The following USF3 variants were observed in gnomAD, a reference collection of about 807,000 sequenced individuals.
The protein encoded by USF3 is upstream transcription factor family member 3.
A neutral mutation model predicts 157.5 loss-of-function variants in USF3; 29 were observed. The observed-to-expected ratio is 0.18, with a 90% CI of 0.14 to 0.25. USF3 has a LOEUF of 0.25. USF3 is among the 10% of genes least tolerant of loss of function. The pLI is 1.00. For synonymous variants in USF3, 893 were observed against 941.4 expected, an observed-to-expected ratio of 0.95 and a Z score of 0.94; for missense variants, 2,381 against 2,667.6, an observed-to-expected ratio of 0.89 and a Z score of 2.37.
chr3:113,661,033 A>G lies in USF3; in HGVS notation c.649T>C (p.Leu217=). 1.2e-6 allele frequency: 2 copies of G among 1,614,192 alleles called. No individual in the cohort carries two copies. Among genetic ancestry groups the G allele is most frequent in the Non-Finnish European group, 1.7e-6 (2 of 1,180,008 alleles). ...AGAGGAACAGGCTGGTTGGTAGCCA[A>G]TGCAGGAACTGTGGTCTGATGCCAT... The part of the protein sequence containing the change: ...KPWHQTTVPA[L]ATNQPVPLCL... Residue 217 remains leucine (L), a synonymous_variant, in exon 7 of 7, where the codon TTG becomes CTG. Transcript: ENST00000316407.
intron 1 of USF3, among the ~76,000 whole-genome samples, chr3:113,677,624 A>C (rs1163974205): frequency 6.6e-6 from 1 of 152,204 alleles, no homozygotes; most frequent in African/African-American, 2.4e-5. Context: ...TCTTACAGCC[A>C]ACGGATGGTC....
In USF3 at chr3:113,661,384, G is replaced by T. The variant is rs936159435; in HGVS notation, c.298C>A (p.Gln100Lys). 3.8e-6 allele frequency: 6 copies of T among 1,574,530 alleles called. No homozygotes were observed. Among genetic ancestry groups the T allele is most frequent in the South Asian group, 2.4e-5 (2 of 82,860 alleles). ...KKLRKQLEEI[Q>K]KENGRYIELL... ...TCAATATATCGGCCATTTTCTTTTT[G>T]GATTTCTTCCAGTTGTTTCCGTAGC... Residue 100 changes from glutamine to lysine, a missense_variant, in exon 7 of 7, where the codon CAA (glutamine) becomes AAA (lysine). Around this residue, in one of 6 missense-constraint regions of USF3, gnomAD observed 105 missense variants for 158.6 expected, o/e 0.66. Transcript: ENST00000316407.
chr3:113,666,791 T>A (rs1238845893), intron 5 of USF3, among the ~76,000 whole-genome samples: 1 of 151,708 alleles, frequency 6.6e-6, no homozygotes, highest in Non-Finnish European at 1.5e-5. Context: ...GGTTTCACCA[T>A]GTTAACCAGG....
Position 113,661,369 on chromosome 3 carries a change from G to A in USF3, c.313C>T (p.Arg105Ter). ...TTAGCTTTCAGTAATTCAATATATC[G>A]GCCATTTTCTTTTTGGATTTCTTCC... ...QLEEIQKENG[R>*]YIELLKANDI... Residue 105 changes from arginine to a stop codon, truncating the protein, a stop_gained, in exon 7 of 7, where the codon CGA (arginine) becomes TGA (stop). Coordinates refer to ENST00000316407, the MANE Select transcript of USF3 (RefSeq NM_001009899.4). LOFTEE classifies it high-confidence loss of function. 1.3e-6 allele frequency: 2 copies of A among 1,585,462 alleles called. No individual in the cohort carries two copies. Among genetic ancestry groups the A allele is most frequent in the Non-Finnish European group, 1.7e-6 (2 of 1,169,778 alleles).
chr3:113,648,771 T>A lies in USF3; in HGVS notation c.*6173A>T, dbSNP rs545209420. On this transcript the variant is annotated 3_prime_UTR_variant, in exon 7 of 7. Transcript: ENST00000316407. ...CACTATTGAAAGCACTAAAATTAGT[T>A]TTTTTTGGGTGACTGCCCTACAGTA... 1.6e-4 allele frequency: 25 copies of A among 152,638 alleles called. No homozygotes were observed. The highest frequency in any genetic ancestry group is 6.0e-4 in the African/African-American group (25 of 41,534). The allele number at this position is 152,638 out of a possible 1,614,324, so 9.5% of individuals were successfully genotyped here.
chr3:113,657,976 T>C lies in USF3; in HGVS notation c.3706A>G (p.Ile1236Val), dbSNP rs779534961. The change falls in exon 7 of 7, where the codon ATC becomes GTC. Residue 1236 changes from isoleucine (I) to valine (V), a missense_variant. Ile to Val is a conservative substitution (Grantham distance 29, BLOSUM62 3). Transcript: ENST00000316407. ...LQDSTSQPPS[I>V]TSLSVNNLIH... is the part of the protein sequence containing the mutation. ...AGATTATTCACACTTAAACTGGTGA[T>C]GCTTGGTGGCTGAGAAGTTGAATCC... 41 of 1,614,098 alleles carry C rather than the reference T, an allele frequency of 2.5e-5. No homozygotes were observed. The South Asian group carries it at 3.0e-4, about 12-fold the overall frequency.
At chr3:113,686,359 A>G (rs1386190522) in intron 1 of USF3, among the ~76,000 whole-genome samples, 2 of 151,994 alleles carry the variant, frequency 1.3e-5, no homozygotes, top group African/African-American at 4.8e-5. Flanking sequence ...GGAAGGGGGG[A>G]AGGGTGGTGT....
chr3:113,655,732 C>G lies in USF3; in HGVS notation c.5950G>C (p.Asp1984His), dbSNP rs1947344362. Residue 1984 changes from aspartate to histidine, a missense_variant, in exon 7 of 7, where the codon GAC (aspartate) becomes CAC (histidine). By Grantham distance (81) the Asp-to-His change is moderately conservative. This residue lies in a region of USF3 where 770 missense variants were observed against 824.2 expected (regional missense o/e 0.93). Coordinates refer to ENST00000316407, the MANE Select transcript of USF3 (RefSeq NM_001009899.4). ...VPQRSRHPLQ[D>H]SSGSKIRQPE... ...TGACGAATTTTGGAACCACTGCTGT[C>G]TTGCAGGGGATGCCTTGATCTCTGG... 1.9e-6 allele frequency: 3 copies of G among 1,613,840 alleles called. No individual in the cohort carries two copies. In the African/African-American group the frequency reaches 4.0e-5, roughly 22 times the overall value.
rs544375595 is a variant in USF3 at position 113,688,738 on chromosome 3, G to A, written c.-135+7632C>T. Among the ~76,000 whole-genome samples, 21 of 152,346 alleles carry A rather than the reference G, an allele frequency of 1.4e-4. 3 individuals are homozygous for A. Among genetic ancestry groups the A allele is most frequent in the African/African-American group, 5.0e-4 (21 of 41,594 alleles). Reference sequence around the variant, plus strand: ...GAAATGATTCCAAAGCACAGCCACTGCGGTCATTAATACAGATGCTGGCTG... The same window carrying A: ...GAAATGATTCCAAAGCACAGCCACTACGGTCATTAATACAGATGCTGGCTG... On this transcript the variant is annotated intron_variant, in intron 1 of 6. Transcript: ENST00000316407.
rs915348218 is a variant in USF3, at chr3:113,654,871, C to G, written c.*73G>C. 26 of 1,458,718 alleles carry G rather than the reference C, an allele frequency of 1.8e-5. No homozygotes were observed. In the Middle Eastern group the frequency reaches 7.3e-4, roughly 41 times the overall value. 90.4% of individuals were successfully genotyped at this position (1,458,718 alleles called of 1,614,324 possible). On this transcript the variant is annotated 3_prime_UTR_variant, in exon 7 of 7. Coordinates refer to ENST00000316407, the MANE Select transcript of USF3 (RefSeq NM_001009899.4). ...CACACACAATCCTTCTCTTCATGTA[C>G]ATGTCTGTGCACATGCACGCACAAA... is the stretch of plus-strand genomic sequence containing the variant.
At chr3:113,680,665 C>T (rs1228684662) in intron 1 of USF3, among the ~76,000 whole-genome samples, 1 of 151,994 alleles carries the variant, frequency 6.6e-6, no homozygotes, top group Non-Finnish European at 1.5e-5. Flanking sequence ...TATAAAAATT[C>T]ACCGGGTGTG....
intron 1 of USF3, among the ~76,000 whole-genome samples, chr3:113,695,076 C>T (rs916481055): frequency 6.6e-6 from 1 of 152,150 alleles, no homozygotes; most frequent in African/African-American, 2.4e-5. Flanking sequence ...ACGAACTTGT[C>T]TTCTTGTCTT....
In USF3 at chr3:113,660,951, C is replaced by T. The variant is rs368870346; in HGVS notation, c.731G>A (p.Ser244Asn). ...QSILELPTSESESNVLGATSG... is the reference protein window; with the variant it reads ...QSILELPTSENESNVLGATSG... ...AGTGGCACCAAGCACATTTGATTCG[C>T]TTTCAGAGGTGGGAAGCTCGAGAAT... The change falls in exon 7 of 7, where the codon AGC becomes AAC. Residue 244 changes from serine to asparagine, a missense_variant. Ser to Asn is a conservative substitution (Grantham distance 46). This residue lies in a region of USF3 where 1,435 missense variants were observed against 1,550.9 expected (regional missense o/e 0.93). Coordinates refer to ENST00000316407, the MANE Select transcript of USF3 (RefSeq NM_001009899.4). 2.4e-4 allele frequency: 391 copies of T among 1,614,180 alleles called. No homozygotes were observed. Among genetic ancestry groups the T allele is most frequent in the Non-Finnish European group, 3.2e-4 (380 of 1,180,034 alleles).
Position 113,677,395 on chromosome 3 carries a change from T to G in USF3, c.-132A>C, listed in dbSNP as rs1319388532. On this transcript the variant is annotated splice_region_variant and 5_prime_UTR_variant, in exon 2 of 7. Coordinates refer to ENST00000316407, the MANE Select transcript of USF3 (RefSeq NM_001009899.4). ...ATGGTCTATGGGTTATGCTTTCTTC[T>G]TACTACACAAGAGAAAAATCAATGA... 6.6e-6 allele frequency: 1 copy of G among 152,170 alleles called. No homozygotes were observed. Among genetic ancestry groups the G allele is most frequent in the Non-Finnish European group, 1.5e-5 (1 of 68,040 alleles). 9.4% of individuals were successfully genotyped at this position (152,170 alleles called of 1,614,324 possible). A position where few individuals can be genotyped will look rare whatever the true frequency, so the allele number is the denominator to read the frequency against.
chr3:113,658,386 G>A lies in USF3; in HGVS notation c.3296C>T (p.Ser1099Leu). The change falls in exon 7 of 7, where the codon TCA (serine) becomes TTA (leucine). Residue 1099 changes from serine to leucine, a missense_variant. Physicochemically the swap from Ser to Leu is moderately radical, Grantham distance 145. Around this residue, in one of 6 missense-constraint regions of USF3, gnomAD observed 1,435 missense variants for 1,550.9 expected, o/e 0.93. Transcript: ENST00000316407. ...TGTTTCAGGAAGCATGGATGCAACTGAGAAACTACGACTACTGCCAGAGCT... is the reference window on the plus strand; with the variant it reads ...TGTTTCAGGAAGCATGGATGCAACTAAGAAACTACGACTACTGCCAGAGCT... Reference protein sequence around the residue: ...STSSGSSRSFSVASMLPETTR... With the variant: ...STSSGSSRSFLVASMLPETTR... 10 of 1,614,178 alleles carry A rather than the reference G, an allele frequency of 6.2e-6. No individual in the cohort carries two copies. Among genetic ancestry groups the A allele is most frequent in the Non-Finnish European group, 8.5e-6 (10 of 1,180,024 alleles).
intron 5 of USF3, among the ~76,000 whole-genome samples, 192 bp downstream of exon 5, chr3:113,669,929 C>T (rs1341314381): frequency 6.6e-6 from 1 of 152,096 alleles, no homozygotes; most frequent in Admixed American, 6.6e-5. Context: ...TTATATGGTA[C>T]ATTTGACCAT....
chr3:113,655,059 G>A lies in USF3; in HGVS notation c.6623C>T (p.Ser2208Leu). 5 of 1,614,234 alleles carry A rather than the reference G, an allele frequency of 3.1e-6. No individual in the cohort carries two copies. The highest frequency in any genetic ancestry group is 1.3e-5 in the African/African-American group (1 of 75,062). The change falls in exon 7 of 7, where the codon TCA becomes TTA. Residue 2208 changes from serine (S) to leucine (L), a missense_variant. Ser to Leu is a moderately radical substitution (Grantham distance 145). Transcript: ENST00000316407. The stretch of plus-strand genomic sequence containing the variant: ...GGAATTTGCTATTGTAAGCAAAGGT[G>A]ACATTGCTGAGCCATCAGGAAGCGC... The part of the protein sequence containing the change: ...ATALPDGSAM[S>L]PLLTIANSSA...
chr3:113,695,106 C>A (rs1218842623), intron 1 of USF3, among the ~76,000 whole-genome samples: 3 of 152,150 alleles, frequency 2.0e-5, no homozygotes, highest in Non-Finnish European at 4.4e-5. Context: ...TAAAAGCCGT[C>A]CTTGGACGGG....
rs755816330 is a variant in USF3, at chr3:113,657,969, C to A, written c.3713G>T (p.Ser1238Ile). 6.2e-7 allele frequency: 1 copy of A among 1,614,184 alleles called. No individual in the cohort carries two copies. The highest frequency in any genetic ancestry group is 1.1e-5 in the South Asian group (1 of 91,088). ...ATGGATAAGATTATTCACACTTAAA[C>A]TGGTGATGCTTGGTGGCTGAGAAGT... ...DSTSQPPSIT[S>I]LSVNNLIHQS... The change falls in exon 7 of 7, where the codon AGT becomes ATT. Residue 1238 changes from serine (S) to isoleucine (I), a missense_variant. Transcript: ENST00000316407.
Sources: allele counts gnomAD v4.1 joint callset (sites outside exome capture counted in the v4.1 genomes callset), GRCh38; gene constraint gnomAD v4.1.1; regional missense constraint gnomAD v4.1.1; transcripts MANE v1.5; gene names NCBI Gene and HGNC (gene_info 2026-07-23, HGNC 2026-07-21).